Variants in ITPKB observed in about 807,000 individuals in gnomAD.
ITPKB encodes the protein IP3 3-kinase B.
ITPKB carries 13 observed loss-of-function variants against 69.4 expected under a neutral mutation model. The ratio of observed to expected loss-of-function variants is 0.19; its 90% CI spans 0.12 to 0.30. The LOEUF (loss-of-function observed/expected upper bound fraction) is 0.30. ITPKB is among the 10% of genes least tolerant of loss of function. ITPKB has a pLI of 1.00. For synonymous variants in ITPKB, 584 were observed against 513.7 expected, an observed-to-expected ratio of 1.14 and a Z score of -1.85; for missense variants, 1,240 against 1,250.5, an observed-to-expected ratio of 0.99 and a Z score of 0.13.
Position 226,642,989 on chromosome 1 carries a change from C to T in ITPKB, c.2247-864G>A, listed in dbSNP as rs1227573150. Reference sequence around the variant, plus strand: ...GTGGGGGAAAGGCAGGGGGCTCCCTCAGCCTCTGCTCATCCCAGAGACATG... The same window carrying T: ...GTGGGGGAAAGGCAGGGGGCTCCCTTAGCCTCTGCTCATCCCAGAGACATG... On this transcript the variant is annotated intron_variant, in intron 4 of 7. Transcript: ENST00000429204. The surrounding 1 kb of genome is among the most constrained non-coding windows in gnomAD (Gnocchi z 6.4). 1.3e-5 allele frequency among the ~76,000 whole-genome samples: 2 copies of T among 152,176 alleles called. No homozygotes were observed. Among genetic ancestry groups the T allele is most frequent in the Non-Finnish European group, 2.9e-5 (2 of 68,028 alleles).
intron 2 of ITPKB, among the ~76,000 whole-genome samples, chr1:226,681,047 A>G (rs1199446381): frequency 6.6e-6 from 1 of 152,026 alleles, no homozygotes; most frequent in Non-Finnish European, 1.5e-5. Flanking sequence ...CCCTCCCCTC[A>G]CCTGGCAAAA....
At chr1:226,653,163 A>C (rs1669228406) in intron 2 of ITPKB, among the ~76,000 whole-genome samples, 2 of 152,186 alleles carry the variant, frequency 1.3e-5, no homozygotes, top group Non-Finnish European at 2.9e-5. Context: ...TCCATTTTAC[A>C]GATGAAAGAG....
chr1:226,714,557 G>C (rs774913392), intron 2 of ITPKB, among the ~76,000 whole-genome samples: 10 of 152,218 alleles, frequency 6.6e-5, no homozygotes, highest in Non-Finnish European at 1.2e-4. Context: ...AAAACTACCT[G>C]TCATCCTCAA....
At chr1:226,734,762 G>A (rs1267487326) in intron 2 of ITPKB, among the ~76,000 whole-genome samples, 2 of 152,300 alleles carry the variant, frequency 1.3e-5, no homozygotes, top group East Asian at 1.9e-4. Flanking sequence ...CCAGAGGCAC[G>A]TGAAAACATA....
chr1:226,683,439 G>A (rs1656132104), intron 2 of ITPKB, among the ~76,000 whole-genome samples: 1 of 152,144 alleles, frequency 6.6e-6, no homozygotes, highest in Non-Finnish European at 1.5e-5. Context: ...AGAGGCTCAG[G>A]CAGATGCCAT....
intron 2 of ITPKB, among the ~76,000 whole-genome samples, chr1:226,708,216 A>G (rs1406275606): frequency 2.0e-5 from 3 of 152,258 alleles, no homozygotes; most frequent in African/African-American, 7.2e-5. Context: ...AATGAGTTAA[A>G]TCATTCATTT....
intron 2 of ITPKB, among the ~76,000 whole-genome samples, chr1:226,730,506 G>A: frequency 6.6e-6 from 1 of 152,048 alleles, no homozygotes; most frequent in East Asian, 1.9e-4. Context: ...ATGGAGTTGA[G>A]AGTACCATAT....
chr1:226,737,296 A>G lies in ITPKB; in HGVS notation c.163T>C (p.Ser55Pro), dbSNP rs1657820407. ...GSVFSPGRGA[S>P]FLFPPAESLS... ...GACTCGGCTGGGGGGAAGAGGAAAG[A>G]GGCGCCTCTCCCGGGGCTGAAAACG... The change falls in exon 2 of 8, where the codon TCT becomes CCT. Residue 55 changes from serine to proline, a missense_variant. Coordinates refer to ENST00000429204, the MANE Select transcript of ITPKB (RefSeq NM_002221.4). The G allele has an allele frequency of 1.3e-6, 2 of 1,566,844 alleles. No individual in the cohort carries two copies. The highest frequency in any genetic ancestry group is 1.7e-6 in the Non-Finnish European group (2 of 1,163,870).
intron 2 of ITPKB, among the ~76,000 whole-genome samples, chr1:226,703,166 GA>G (rs1340674193): frequency 2.7e-5 from 4 of 150,832 alleles, no homozygotes; most frequent in Admixed American, 6.6e-5. Flanking sequence ...GTGGGTGAAG[GA>G]AAAAAAAAGT....
At chr1:226,652,663 A>C (rs965515030) in intron 2 of ITPKB, among the ~76,000 whole-genome samples, 1 of 152,200 alleles carries the variant, frequency 6.6e-6, no homozygotes, top group East Asian at 1.9e-4. Context: ...GTGGTGTGGC[A>C]AAGGGTACCT....
At chr1:226,647,077 G>A (rs1385870431) in intron 4 of ITPKB, 90 bp downstream of exon 4, 12 of 1,160,268 alleles carry the variant, frequency 1.0e-5, no homozygotes, top group African/African-American at 1.5e-5. Context: ...GCACCTGTGA[G>A]GCCTCCGGGA....
chr1:226,701,251 C>G (rs770173449), intron 2 of ITPKB, among the ~76,000 whole-genome samples: 5 of 152,226 alleles, frequency 3.3e-5, no homozygotes, highest in African/African-American at 4.8e-5. Context: ...GACACCCCAA[C>G]AGTAGAATTC....
chr1:226,715,968 G>A (rs2102640288), intron 2 of ITPKB, among the ~76,000 whole-genome samples: 1 of 152,224 alleles, frequency 6.6e-6, no homozygotes, highest in African/African-American at 2.4e-5. Flanking sequence ...CCGTCATAAT[G>A]CCCGGCTAAT....
Position 226,736,310 on chromosome 1 carries a change from G to A in ITPKB, c.1149C>T (p.Gly383=). The A allele has an allele frequency of 6.2e-7, 1 of 1,609,764 alleles. No homozygotes were observed. ...TTTTGCCCACTTCAGGCTCCCCAGAGCCCGGCATGCCACAGGGCAGATATC... is the reference window on the plus strand; with the variant it reads ...TTTTGCCCACTTCAGGCTCCCCAGAACCCGGCATGCCACAGGGCAGATATC... The part of the protein sequence containing the change: ...GKGYLPCGMP[G]SGEPEVGKRP... Residue 383 remains glycine (G), a synonymous_variant, in exon 2 of 8, where the codon GGC becomes GGT. Transcript: ENST00000429204.
chr1:226,653,393 C>T (rs143505697), intron 2 of ITPKB, among the ~76,000 whole-genome samples: 79 of 152,308 alleles, frequency 5.2e-4, no homozygotes, highest in Non-Finnish European at 1.5e-4. Context: ...TCCTCCAGGG[C>T]GGTTCCCCTG....
intron 1 of ITPKB, among the ~76,000 whole-genome samples, chr1:226,737,938 G>A (rs1657857357): frequency 6.6e-6 from 1 of 152,134 alleles, no homozygotes; most frequent in Admixed American, 6.5e-5. Flanking sequence ...CCTAATACTC[G>A]TCTCGCGGAC....
chr1:226,696,014 C>G (rs1187413255), intron 2 of ITPKB, among the ~76,000 whole-genome samples: 1 of 152,194 alleles, frequency 6.6e-6, no homozygotes, highest in African/African-American at 2.4e-5. Flanking sequence ...CACTTACATG[C>G]TATGCTGCTT....
In ITPKB at chr1:226,737,527, C is replaced by T. The variant is rs982915193; in HGVS notation, c.-69G>A. On this transcript the variant is annotated 5_prime_UTR_variant, in exon 2 of 8. Coordinates refer to ENST00000429204, the MANE Select transcript of ITPKB (RefSeq NM_002221.4). ...GCTCCGCCGCCGGCGCCTCCTCCTC[C>T]CGGCGCTCCCGGCTCAGCCCCGGAG... 4.3e-6 allele frequency: 6 copies of T among 1,382,490 alleles called. No homozygotes were observed. The African/African-American group carries it at 6.0e-5, about 14-fold the overall frequency. 85.6% of individuals were successfully genotyped at this position (1,382,490 alleles called of 1,614,324 possible).
intron 2 of ITPKB, among the ~76,000 whole-genome samples, chr1:226,705,828 C>T (rs979206565): frequency 8.5e-5 from 13 of 152,324 alleles, no homozygotes; most frequent in Middle Eastern, 3.4e-3. Context: ...TCTTAGGACT[C>T]CCTGTCAGGC....
Sources: gnomAD v4.1 joint callset for allele counts (sites outside exome capture counted in the v4.1 genomes callset) on GRCh38, gnomAD v4.1.1 for gene constraint, Gnocchi (gnomAD v3.1) non-coding constraint, MANE v1.5 for transcripts, NCBI Gene and HGNC (gene_info 2026-07-23, HGNC 2026-07-21) for gene names.